Variants in SLC66A1 observed in about 807,000 individuals in gnomAD.
SLC66A1 encodes the protein solute carrier family 66 member 1.
SLC66A1 carries 23 observed loss-of-function variants against 33.0 expected under a neutral mutation model. That is an observed-to-expected ratio of 0.70 (90% CI 0.50 to 0.99). SLC66A1 has a LOEUF of 0.99. Among genes scored for constraint, SLC66A1 ranks in the 50% least tolerant of loss-of-function variants. SLC66A1 has a pLI of 0.00. For synonymous variants in SLC66A1, 164 were observed against 175.5 expected (o/e 0.93, Z 0.52); for missense variants, 335 against 383.6 (o/e 0.87, Z 1.06).
downstream of SLC66A1, among the ~76,000 whole-genome samples, chr1:19,331,480 G>A (rs575272205): frequency 6.6e-6 from 1 of 152,252 alleles, no homozygotes; most frequent in South Asian, 2.1e-4. Flanking sequence ...CCTTGCTGGG[G>A]GCCCATGGCT....
intron 2 of SLC66A1, 136 bp downstream of exon 2, chr1:19,317,977 A>G: frequency 1.5e-6 from 2 of 1,344,736 alleles, no homozygotes; most frequent in Middle Eastern, 2.2e-4. Context: ...TTCCCTCGAC[A>G]GGGACCTGCA....
downstream of SLC66A1, among the ~76,000 whole-genome samples, chr1:19,333,520 G>A (rs1223493706): frequency 3.9e-5 from 6 of 152,146 alleles, no homozygotes; most frequent in Admixed American, 3.9e-4. This position sits in a 1 kb window ranked among gnomAD's most constrained non-coding sequence, Gnocchi z 4.2. Flanking sequence ...AGGAAGGGGA[G>A]AAAGCCACAA....
chr1:19,330,060 T>C (rs1043810720), downstream of SLC66A1, among the ~76,000 whole-genome samples: 8 of 152,168 alleles, frequency 5.3e-5, no homozygotes, highest in African/African-American at 9.7e-5. Context: ...CTCGAACTCC[T>C]AGCTTCCAGG....
chr1:19,317,481 C>G, intron 1 of SLC66A1, 119 bp from the exon 2 acceptor site: 2 of 1,286,098 alleles, frequency 1.6e-6, no homozygotes, highest in South Asian at 1.7e-5. Context: ...ATGTCTTTGC[C>G]CTTCTCTGGC....
intron 2 of SLC66A1, among the ~76,000 whole-genome samples, chr1:19,320,849 A>G (rs1205185548): frequency 6.7e-6 from 1 of 149,640 alleles, no homozygotes; most frequent in East Asian, 1.9e-4. Context: ...AGGAGCTGGG[A>G]CTACAGGCGC....
chr1:19,326,622 A>G lies in SLC66A1; in HGVS notation c.617A>G (p.Asn206Ser). Residue 206 changes from asparagine to serine, a missense_variant and splice_region_variant, in exon 6 of 8, where the codon AAC (asparagine) becomes AGC (serine). Coordinates refer to ENST00000375153, the MANE Select transcript of SLC66A1 (RefSeq NM_001040125.2). ...TCCCGGCTGCCTCAGATCCGCACCAACGTGAGCCTCCAGCAGGGGCTGGGT... is the reference window on the plus strand; with the variant it reads ...TCCCGGCTGCCTCAGATCCGCACCAGCGTGAGCCTCCAGCAGGGGCTGGGT... ...LLSRLPQIRT[N>S]FLRKSTQGIS... is the part of the protein sequence containing the mutation. The G allele has an allele frequency of 1.2e-6, 2 of 1,613,882 alleles. No individual in the cohort carries two copies. Among genetic ancestry groups the G allele is most frequent in the Non-Finnish European group, 1.7e-6 (2 of 1,179,804 alleles).
intron 1 of SLC66A1, among the ~76,000 whole-genome samples, chr1:19,316,350 G>GTTTGT (rs2093805240): frequency 8.3e-6 from 1 of 119,998 alleles, no homozygotes; most frequent in African/African-American, 3.3e-5. Context: ...AACTCTTTAT[G>GTTTGT]GTTTGTGTGT....
At chr1:19,325,767 G>A (rs920347603) in intron 4 of SLC66A1, among the ~76,000 whole-genome samples, 185 bp downstream of exon 4, 1 of 152,196 alleles carries the variant, frequency 6.6e-6, no homozygotes, top group Non-Finnish European at 1.5e-5. Flanking sequence ...AGAGGCTTGA[G>A]GGCAGTGAGC....
At chr1:19,324,530 G>C in intron 2 of SLC66A1, 103 bp from the exon 3 acceptor site, 1 of 1,434,258 alleles carries the variant, frequency 7.0e-7, no homozygotes, top group Non-Finnish European at 9.6e-7. Context: ...CTCCATCGCC[G>C]CCTCGATCCC....
downstream of SLC66A1, among the ~76,000 whole-genome samples, chr1:19,332,047 G>T (rs1241879265): frequency 1.3e-5 from 2 of 152,170 alleles, no homozygotes; most frequent in African/African-American, 4.8e-5. Flanking sequence ...CACCTGGCCT[G>T]CAGCTCATCC....
Position 19,328,030 on chromosome 1 carries a change from C to T in SLC66A1, c.805-542C>T, listed in dbSNP as rs1436010856. On this transcript the variant is annotated intron_variant, in intron 7 of 7. Transcript: ENST00000375153. This position sits in a 1 kb window ranked among gnomAD's most constrained non-coding sequence, Gnocchi z 4.7. ...TCACCTCAGTTAACAGCCACTGTCTCGTCAGGATGTTGTGTAAGATGAGGT... is the reference window on the plus strand; with the variant it reads ...TCACCTCAGTTAACAGCCACTGTCTTGTCAGGATGTTGTGTAAGATGAGGT... 2 of 245,820 alleles carry T rather than the reference C, an allele frequency of 8.1e-6. No homozygotes were observed. The highest frequency in any genetic ancestry group is 5.2e-5 in the Admixed American group (1 of 19,392). 15.2% of individuals were successfully genotyped at this position (245,820 alleles called of 1,614,324 possible). A position where few individuals can be genotyped will look rare whatever the true frequency, so the allele number is the denominator to read the frequency against.
rs931161830 is a variant in SLC66A1 at position 19,328,514 on chromosome 1, C to T, written c.805-58C>T. On this transcript the variant is annotated intron_variant, in intron 7 of 7. Coordinates refer to ENST00000375153, the MANE Select transcript of SLC66A1 (RefSeq NM_001040125.2). This position sits in a 1 kb window ranked among gnomAD's most constrained non-coding sequence, Gnocchi z 4.7. The stretch of plus-strand genomic sequence containing the variant: ...GGCAGCTCCCAGGAGTCGAAGGCCC[C>T]CAGGGGCAGGTCCAACCCAGTCTCT... 9 of 1,537,612 alleles carry T rather than the reference C, an allele frequency of 5.9e-6. No homozygotes were observed. The highest frequency in any genetic ancestry group is 8.0e-6 in the Non-Finnish European group (9 of 1,126,120).
At chr1:19,332,482 G>A (rs577170081), downstream of SLC66A1, among the ~76,000 whole-genome samples, 1 of 152,244 alleles carries the variant, frequency 6.6e-6, no homozygotes, top group Admixed American at 6.5e-5. Context: ...CAAAGAGAAG[G>A]GCCAAGGCCG....
intron 4 of SLC66A1, 97 bp downstream of exon 4, chr1:19,325,679 A>G (rs969665598): frequency 1.9e-6 from 2 of 1,070,334 alleles, no homozygotes; most frequent in Non-Finnish European, 2.7e-6. Context: ...CGGGTTTCCC[A>G]TGGCTGGGTG....
At chr1:19,321,281 T>C (rs1045977917) in intron 2 of SLC66A1, among the ~76,000 whole-genome samples, 2 of 142,612 alleles carry the variant, frequency 1.4e-5, no homozygotes, top group African/African-American at 5.5e-5. Context: ...GCTCAAGCAG[T>C]CCTCCCACCT....
chr1:19,319,793 C>T (rs1457446350), intron 2 of SLC66A1, among the ~76,000 whole-genome samples: 1 of 150,964 alleles, frequency 6.6e-6, no homozygotes, highest in Admixed American at 6.6e-5. Flanking sequence ...GTCCCAGCTA[C>T]TCGGGAGGCT....
intron 1 of SLC66A1, among the ~76,000 whole-genome samples, chr1:19,313,938 G>T (rs1252609277): frequency 6.6e-6 from 1 of 152,174 alleles, no homozygotes; most frequent in Non-Finnish European, 1.5e-5. Flanking sequence ...AATCGCTGGA[G>T]GGCTTCTTAA....
At position 19,326,653 on chromosome 1, in the gene SLC66A1, CGAGTA is replaced by C. The variant is rs768990372; in HGVS notation, c.618+34_618+38del. On this transcript the variant is annotated intron_variant, in intron 6 of 7. Transcript: ENST00000375153. Reference sequence around the variant, plus strand: ...GCCTCCAGCAGGGGCTGGGTGGGGCCGAGTAGAGGAGAGCTGGCCTGGCCACCCGG... The same window carrying C: ...GCCTCCAGCAGGGGCTGGGTGGGGCCGAGGAGAGCTGGCCTGGCCACCCGG... 27 of 1,608,132 alleles carry C rather than the reference CGAGTA, an allele frequency of 1.7e-5. No individual in the cohort carries two copies. The African/African-American group carries it at 3.3e-4, about 20-fold the overall frequency.
chr1:19,332,254 C>T (rs147679551), downstream of SLC66A1, among the ~76,000 whole-genome samples: 62 of 152,306 alleles, frequency 4.1e-4, no homozygotes, highest in East Asian at 0.011. Context: ...GTGCCCCAGC[C>T]ACTGAGCCTT....
Sources: allele counts gnomAD v4.1 joint callset (sites outside exome capture counted in the v4.1 genomes callset), GRCh38; gene constraint gnomAD v4.1.1; non-coding constraint Gnocchi (gnomAD v3.1); transcripts MANE v1.5; gene names NCBI Gene and HGNC (gene_info 2026-07-23, HGNC 2026-07-21).